Variants in CDH13 observed in about 807,000 individuals in gnomAD.
The protein encoded by CDH13 is cadherin 13.
In CDH13, 24 loss-of-function variants were observed where a neutral mutation model predicts 63.8. The observed-to-expected ratio is 0.38, with a 90% CI of 0.27 to 0.53. The LOEUF (loss-of-function observed/expected upper bound fraction) is 0.53, where lower values mean the gene tolerates loss of function less well. Among genes scored for constraint, CDH13 ranks in the 20% least tolerant of loss-of-function variants. The probability of loss-of-function intolerance (pLI) is 0.85; values close to 1 mark genes in which losing one functional copy is unlikely to be tolerated. For missense variants in CDH13, 1,049 were observed against 903.1 expected, an observed-to-expected ratio of 1.16 and a Z score of -2.07; for synonymous variants, 503 against 355.3, an observed-to-expected ratio of 1.42 and a Z score of -4.67.
At chr16:82,923,755 C>T (rs543414096) in intron 2 of CDH13, among the ~76,000 whole-genome samples, 5 of 152,330 alleles carry the variant, frequency 3.3e-5, no homozygotes, top group Non-Finnish European at 7.4e-5. Flanking sequence ...TTTCCTCTTA[C>T]TTCGCTTCCT....
At chr16:82,703,267 C>T (rs571746919) in intron 1 of CDH13, among the ~76,000 whole-genome samples, 3 of 152,172 alleles carry the variant, frequency 2.0e-5, no homozygotes, top group East Asian at 3.9e-4. Flanking sequence ...TCAGGGCTGC[C>T]CCACAGCCTC....
chr16:83,292,328 T>C (rs1009253379), intron 5 of CDH13, among the ~76,000 whole-genome samples: 4 of 152,168 alleles, frequency 2.6e-5, no homozygotes, highest in Non-Finnish European at 5.9e-5. Context: ...TCTTCTCATA[T>C]TGCCTAGTTC....
At chr16:83,703,995 G>C (rs189817334) in intron 10 of CDH13, among the ~76,000 whole-genome samples, 1 of 152,212 alleles carries the variant, frequency 6.6e-6, no homozygotes, top group East Asian at 1.9e-4. Flanking sequence ...AATGAAAAAG[G>C]CTTTTTGCTT....
chr16:83,219,701 C>G (rs1310191787), intron 5 of CDH13, among the ~76,000 whole-genome samples: 1 of 152,146 alleles, frequency 6.6e-6, no homozygotes, highest in Non-Finnish European at 1.5e-5. Flanking sequence ...TTTTACTATA[C>G]TTTTATAGTC....
chr16:82,986,839 A>G (rs1057489388), intron 2 of CDH13, among the ~76,000 whole-genome samples: 4 of 152,208 alleles, frequency 2.6e-5, no homozygotes, highest in Non-Finnish European at 5.9e-5. Context: ...TCATACCTGG[A>G]ACTCCAAATT....
chr16:83,459,634 G>A (rs951327800), intron 6 of CDH13, among the ~76,000 whole-genome samples: 7 of 152,190 alleles, frequency 4.6e-5, no homozygotes, highest in Admixed American at 2.6e-4. Flanking sequence ...ATTTGTGACC[G>A]TTTTTCTAAT....
intron 6 of CDH13, among the ~76,000 whole-genome samples, chr16:83,442,017 G>A (rs1050414809): frequency 6.6e-6 from 1 of 152,132 alleles, no homozygotes. Context: ...ATAAGAGCTG[G>A]GAGCGAGATG....
chr16:83,678,379 A>G lies in CDH13; in HGVS notation c.1456A>G (p.Arg486Gly). The change falls in exon 10 of 14, where the codon AGG (arginine) becomes GGG (glycine). Residue 486 changes from arginine to glycine, a missense_variant. Transcript: ENST00000567109. ...VFYPDPMMVTRQEDLSVGSVL... is the reference protein window; with the variant it reads ...VFYPDPMMVTGQEDLSVGSVL... Reference sequence around the variant, plus strand: ...CTACCCAGACCCCATGATGGTGACCAGGCAGGAGGACCTCTCTGTGGGCAG... The same window carrying G: ...CTACCCAGACCCCATGATGGTGACCGGGCAGGAGGACCTCTCTGTGGGCAG... The G allele has an allele frequency of 1.2e-6, 2 of 1,613,992 alleles. No individual in the cohort carries two copies. Among genetic ancestry groups the G allele is most frequent in the Non-Finnish European group, 1.7e-6 (2 of 1,179,898 alleles).
chr16:82,720,730 T>G (rs2032718994), intron 1 of CDH13, among the ~76,000 whole-genome samples: 1 of 152,028 alleles, frequency 6.6e-6, no homozygotes, highest in South Asian at 2.1e-4. Flanking sequence ...GAAAACAGCA[T>G]TATATGATGT....
At chr16:82,716,678 G>A (rs978267251) in intron 1 of CDH13, among the ~76,000 whole-genome samples, 2 of 150,310 alleles carry the variant, frequency 1.3e-5, no homozygotes, top group South Asian at 2.1e-4. Context: ...ATTAAGGGGG[G>A]TGACTAGTTG....
At chr16:83,487,065 C>G (rs1187207958) in intron 7 of CDH13, among the ~76,000 whole-genome samples, 1 of 152,098 alleles carries the variant, frequency 6.6e-6, no homozygotes, top group African/African-American at 2.4e-5. Flanking sequence ...AGTCAAATGC[C>G]CATGACTCCT....
chr16:83,499,854 G>C (rs1221521434), intron 7 of CDH13, among the ~76,000 whole-genome samples: 1 of 152,066 alleles, frequency 6.6e-6, no homozygotes, highest in Non-Finnish European at 1.5e-5. Flanking sequence ...TCAAGCTGTA[G>C]TGCAATGGCA....
intron 6 of CDH13, among the ~76,000 whole-genome samples, chr16:83,357,164 C>A (rs1222843238): frequency 6.6e-6 from 1 of 152,082 alleles, no homozygotes; most frequent in Non-Finnish European, 1.5e-5. Flanking sequence ...TTTCCCTGGC[C>A]CATCACATCC....
chr16:83,189,745 C>A (rs1009315633), intron 4 of CDH13, among the ~76,000 whole-genome samples: 6 of 152,144 alleles, frequency 3.9e-5, no homozygotes, highest in African/African-American at 1.4e-4. Context: ...AGGAATCTTC[C>A]CTCTGAGCCT....
At chr16:82,777,916 G>A (rs1289781611) in intron 1 of CDH13, among the ~76,000 whole-genome samples, 5 of 152,118 alleles carry the variant, frequency 3.3e-5, no homozygotes, top group Admixed American at 2.0e-4. Context: ...AACTTGATTC[G>A]TCAGAGAAAA....
intron 10 of CDH13, among the ~76,000 whole-genome samples, chr16:83,714,828 TA>T (rs1184611859): frequency 3.9e-5 from 6 of 152,192 alleles, no homozygotes; most frequent in Non-Finnish European, 8.8e-5. Flanking sequence ...GATACTCATC[TA>T]TCTTCGATGA....
chr16:83,506,090 C>T (rs1366005722), intron 7 of CDH13, among the ~76,000 whole-genome samples: 1 of 152,158 alleles, frequency 6.6e-6, no homozygotes, highest in African/African-American at 2.4e-5. Context: ...TTTGCTGTTC[C>T]ACTCATGGCA....
intron 5 of CDH13, among the ~76,000 whole-genome samples, chr16:83,322,394 C>T (rs1239586462): frequency 1.3e-5 from 2 of 152,186 alleles, no homozygotes; most frequent in Non-Finnish European, 2.9e-5. Context: ...GGTCTTATTT[C>T]TCCAAAACTA....
chr16:83,446,095 G>C (rs748211778), intron 6 of CDH13, among the ~76,000 whole-genome samples: 1 of 152,004 alleles, frequency 6.6e-6, no homozygotes, highest in Non-Finnish European at 1.5e-5. Flanking sequence ...AGGAGGTCAG[G>C]AGTTCAAGAC....
Sources: allele counts gnomAD v4.1 joint callset (sites outside exome capture counted in the v4.1 genomes callset), GRCh38; gene constraint gnomAD v4.1.1; transcripts MANE v1.5; gene names NCBI Gene and HGNC (gene_info 2026-07-23, HGNC 2026-07-21).